Variants in CNTNAP3 observed in about 807,000 individuals in gnomAD.
CNTNAP3 encodes the protein contactin-associated protein-like 3.
In CNTNAP3, 36 loss-of-function variants were observed where a neutral mutation model predicts 92.1. That is an observed-to-expected ratio of 0.39 (90% CI 0.30 to 0.52). The LOEUF (loss-of-function observed/expected upper bound fraction) is 0.52, where lower values mean the gene tolerates loss of function less well. Among genes scored for constraint, CNTNAP3 ranks in the 20% least tolerant of loss-of-function variants. CNTNAP3 has a pLI of 0.76. For missense variants in CNTNAP3, 534 were observed against 1,069.6 expected, an observed-to-expected ratio of 0.50 and a Z score of 6.98; for synonymous variants, 232 against 422.3, an observed-to-expected ratio of 0.55 and a Z score of 5.53.
chr9:39,125,176 C>T (rs1166316149), intron 13 of CNTNAP3, among the ~76,000 whole-genome samples: 6 of 151,944 alleles, frequency 3.9e-5, no homozygotes, highest in Non-Finnish European at 8.8e-5. Flanking sequence ...TACTATGCAG[C>T]CATGAAAAAG....
intron 13 of CNTNAP3, among the ~76,000 whole-genome samples, chr9:39,122,121 G>A (rs189571817): frequency 0.1 from 15,695 of 151,640 alleles, 634 homozygotes; most frequent in African/African-American, 0.17. Context: ...TTGGGAGGCC[G>A]AGGCGGGCAG....
intron 12 of CNTNAP3, among the ~76,000 whole-genome samples, chr9:39,136,288 T>C (rs375252432): frequency 6.6e-6 from 1 of 152,172 alleles, no homozygotes; most frequent in South Asian, 2.1e-4. Context: ...ACTTAGTATA[T>C]CATATGAAAT....
chr9:39,127,267 G>C (rs909602312), intron 13 of CNTNAP3, among the ~76,000 whole-genome samples: 4 of 152,068 alleles, frequency 2.6e-5, no homozygotes, highest in African/African-American at 9.7e-5. Context: ...ATCAAAATAT[G>C]TGAAATGTAG....
At chr9:39,099,489 G>A (rs1304708964) in intron 18 of CNTNAP3, among the ~76,000 whole-genome samples, 9 of 152,178 alleles carry the variant, frequency 5.9e-5, no homozygotes, top group Non-Finnish European at 1.0e-4. Context: ...CAATGGGTAA[G>A]ACGATTGCTC....
intron 10 of CNTNAP3, among the ~76,000 whole-genome samples, chr9:39,147,798 T>C (rs1247940358): frequency 6.6e-6 from 1 of 152,200 alleles, no homozygotes; most frequent in Non-Finnish European, 1.5e-5. Flanking sequence ...AAAACAATAG[T>C]TTTGTACTTT....
intron 14 of CNTNAP3, among the ~76,000 whole-genome samples, chr9:39,113,958 C>G (rs1820780737): frequency 6.6e-6 from 1 of 151,056 alleles, no homozygotes; most frequent in Non-Finnish European, 1.5e-5. Context: ...TGTTAATTCT[C>G]TCTCTCTCTA....
rs1275776335 is a variant in CNTNAP3 at position 39,067,322 on chromosome 9, A to G, written c.*6568T>C. Among the ~76,000 whole-genome samples the G allele has an allele frequency of 6.6e-6, 1 of 152,304 alleles. No individual in the cohort carries two copies. Among genetic ancestry groups the G allele is most frequent in the African/African-American group, 2.4e-5 (1 of 41,480 alleles). On this transcript the variant is annotated 3_prime_UTR_variant, in exon 24 of 24. Coordinates refer to ENST00000297668, the MANE Select transcript of CNTNAP3 (RefSeq NM_033655.5). The stretch of plus-strand genomic sequence containing the variant: ...TTTTAGATTGATTTTTATCCTCATT[A>G]TAGGTCCTATTTTTCTGCCTCTTCA...
intron 21 of CNTNAP3, 89 bp downstream of exon 21, chr9:39,085,647 T>C (rs1826047350): frequency 9.8e-7 from 1 of 1,024,154 alleles, no homozygotes; most frequent in Admixed American, 1.8e-5. Flanking sequence ...ATTATTCAAG[T>C]AAGACAAGGA....
rs745358679 is a variant in CNTNAP3, at chr9:39,132,935, G to T, written c.2077C>A (p.Arg693=). The T allele has an allele frequency of 1.0e-4, 155 of 1,544,408 alleles. 2 individuals carry two copies. The South Asian group carries it at 1.5e-3, about 15-fold the overall frequency. ...RCGTARRPDS[R]DGTPLSWWVG... ...AGCCTCCAGGAGTGGCGCTTACCTC[G>T]TGAGTCCGGGCGCCGCGCCGTCCCG... is the stretch of plus-strand genomic sequence containing the variant. Residue 693 remains arginine, a synonymous_variant, in exon 13 of 24, where the codon CGA becomes AGA. Transcript: ENST00000297668.
At chr9:39,104,416 T>C (rs1826545246) in intron 15 of CNTNAP3, among the ~76,000 whole-genome samples, 2 of 150,666 alleles carry the variant, frequency 1.3e-5, no homozygotes, top group South Asian at 2.1e-4. Context: ...AAGGAGGTAG[T>C]TGGATAAATG....
intron 2 of CNTNAP3, among the ~76,000 whole-genome samples, chr9:39,254,772 T>A (rs1325620153): frequency 4.0e-5 from 1 of 25,212 alleles, no homozygotes; most frequent in Non-Finnish European, 9.7e-5. Flanking sequence ...AAAAGATTTT[T>A]GATATTTTCC....
In CNTNAP3 at chr9:39,073,161, A is replaced by G. The variant is rs2118348421; in HGVS notation, c.*729T>C. The G allele has an allele frequency of 6.4e-6, 1 of 155,552 alleles. No homozygotes were observed. The highest frequency in any genetic ancestry group is 2.0e-4 in the South Asian group (1 of 5,090). 9.6% of individuals were successfully genotyped at this position (155,552 alleles called of 1,614,324 possible). A position where few individuals can be genotyped will look rare whatever the true frequency, so the allele number is the denominator to read the frequency against. On this transcript the variant is annotated 3_prime_UTR_variant, in exon 24 of 24. Transcript: ENST00000297668. ...TCAATACTAAAATTTCATAGCTAAC[A>G]TTCAATATTAATTTCAACATTAAAA...
At position 39,068,030 on chromosome 9, in the gene CNTNAP3, GA is replaced by G. The variant is rs1033470334; in HGVS notation, c.*5859del. 7.9e-5 allele frequency among the ~76,000 whole-genome samples: 12 copies of G among 151,610 alleles called. No individual in the cohort carries two copies. The highest frequency in any genetic ancestry group is 7.9e-4 in the Admixed American group (12 of 15,276). On this transcript the variant is annotated 3_prime_UTR_variant, in exon 24 of 24. Transcript: ENST00000297668. ...TTTTGGGGGGGATGGGAGAAGTGAA[GA>G]GAAGAAAAATATTCTTTTTGTGTAA...
intron 20 of CNTNAP3, chr9:39,086,200 A>G (rs1564069082): frequency 1.4e-5 from 4 of 288,940 alleles, no homozygotes; most frequent in South Asian, 9.4e-5. Flanking sequence ...TCTATACAGT[A>G]TATTTTCCTT....
intron 14 of CNTNAP3, among the ~76,000 whole-genome samples, chr9:39,117,295 G>C (rs1443099976): frequency 6.6e-6 from 1 of 151,374 alleles, no homozygotes; most frequent in Non-Finnish European, 1.5e-5. Flanking sequence ...CCTGGCCTAA[G>C]TTTTTTTTTA....
At chr9:39,095,553 TG>T (rs1465718809) in intron 18 of CNTNAP3, among the ~76,000 whole-genome samples, 4 of 140,690 alleles carry the variant, frequency 2.8e-5, no homozygotes, top group Non-Finnish European at 4.7e-5. Flanking sequence ...GTTTGTTAAA[TG>T]TTTTTTTTTC....
intron 18 of CNTNAP3, among the ~76,000 whole-genome samples, chr9:39,089,321 A>G (rs1176167593): frequency 6.6e-6 from 1 of 152,172 alleles, no homozygotes; most frequent in East Asian, 1.9e-4. Flanking sequence ...GGTCTTTTCA[A>G]TGTGGCCTCT....
At chr9:39,154,019 C>G (rs1002180876) in intron 9 of CNTNAP3, 1 of 133,836 alleles carries the variant, frequency 7.5e-6, no homozygotes, top group Non-Finnish European at 1.6e-5. Context: ...TTCATATTAA[C>G]CTGGCTACCC....
chr9:39,119,197 G>T (rs1820941774), intron 13 of CNTNAP3, among the ~76,000 whole-genome samples: 1 of 152,020 alleles, frequency 6.6e-6, no homozygotes, highest in African/African-American at 2.4e-5. Flanking sequence ...ATGTGGTGCT[G>T]TTTTTCAAAT....
Sources: gnomAD v4.1 joint callset for allele counts (sites outside exome capture counted in the v4.1 genomes callset) on GRCh38, gnomAD v4.1.1 for gene constraint, MANE v1.5 for transcripts, NCBI Gene and HGNC (gene_info 2026-07-23, HGNC 2026-07-21) for gene names.